The following GRIN2B variants were observed in gnomAD, a reference collection of about 807,000 sequenced individuals.
GRIN2B encodes the protein glutamate ionotropic receptor NMDA type subunit 2B.
GRIN2B carries 5 observed loss-of-function variants against 114.5 expected under a neutral mutation model. The observed-to-expected ratio is 0.04, with a 90% CI of 0.02 to 0.09. The LOEUF is 0.09. Ranked by LOEUF, GRIN2B falls within the 10% of genes least tolerant of loss-of-function variation. The pLI, the probability that GRIN2B is intolerant of heterozygous loss-of-function variation, is 1.00. For synonymous variants in GRIN2B, 787 were observed against 745.1 expected (o/e 1.06, Z -0.92); for missense variants, 1,108 against 1,943.5 (o/e 0.57, Z 8.08).
chr12:13,648,050 G>C (rs1949779097), intron 5 of GRIN2B, among the ~76,000 whole-genome samples: 1 of 152,086 alleles, frequency 6.6e-6, no homozygotes, highest in South Asian at 2.1e-4. Flanking sequence ...CCTGTCTGCT[G>C]TTGGACCAAA....
chr12:13,603,624 T>C (rs1248063412), intron 10 of GRIN2B, among the ~76,000 whole-genome samples: 1 of 151,782 alleles, frequency 6.6e-6, no homozygotes, highest in African/African-American at 2.4e-5. Flanking sequence ...TTAATAATAA[T>C]AACAATGATA....
chr12:13,780,929 T>G (rs1469606525), intron 3 of GRIN2B, among the ~76,000 whole-genome samples: 1 of 152,100 alleles, frequency 6.6e-6, no homozygotes, highest in Non-Finnish European at 1.5e-5. Flanking sequence ...GGAATAAATT[T>G]TATAGATGTA....
chr12:13,595,729 T>C (rs1269059917), intron 10 of GRIN2B, among the ~76,000 whole-genome samples: 2 of 152,154 alleles, frequency 1.3e-5, no homozygotes, highest in Non-Finnish European at 2.9e-5. Flanking sequence ...GAAGGCTGCA[T>C]TGTTCTTCAG....
intron 5 of GRIN2B, among the ~76,000 whole-genome samples, chr12:13,631,063 A>T (rs956915107): frequency 1.3e-5 from 2 of 152,110 alleles, no homozygotes; most frequent in Non-Finnish European, 2.9e-5. Flanking sequence ...TGAGAACAGC[A>T]TGGGAAGCCA....
At chr12:13,773,904 TC>T (rs758587458) in intron 3 of GRIN2B, among the ~76,000 whole-genome samples, 10 of 152,032 alleles carry the variant, frequency 6.6e-5, no homozygotes, top group Non-Finnish European at 1.5e-4. Context: ...AGAACAGAGG[TC>T]CTGCCTTGGG....
At chr12:13,864,566 G>A (rs1029025441) in intron 3 of GRIN2B, among the ~76,000 whole-genome samples, 1 of 152,156 alleles carries the variant, frequency 6.6e-6, no homozygotes, top group Non-Finnish European at 1.5e-5. Context: ...GGCTGCAAAG[G>A]ACAGTGCATA....
chr12:13,933,310 A>G (rs892237823), intron 2 of GRIN2B, among the ~76,000 whole-genome samples: 32 of 151,980 alleles, frequency 2.1e-4, no homozygotes, highest in African/African-American at 7.7e-4. Flanking sequence ...AAAAGATGAA[A>G]CCCTTCCCTG....
At chr12:13,696,354 T>C (rs1591681876) in intron 4 of GRIN2B, among the ~76,000 whole-genome samples, 1 of 152,330 alleles carries the variant, frequency 6.6e-6, no homozygotes, top group East Asian at 1.9e-4. Flanking sequence ...TGGAGTTCTT[T>C]AACTATCTTC....
At chr12:13,792,570 A>G (rs1371726535) in intron 3 of GRIN2B, among the ~76,000 whole-genome samples, 2 of 152,192 alleles carry the variant, frequency 1.3e-5, no homozygotes, top group African/African-American at 4.8e-5. Context: ...TTCACCCCAG[A>G]CCCTGTTGAA....
intron 4 of GRIN2B, among the ~76,000 whole-genome samples, chr12:13,726,890 C>T (rs1863000095): frequency 6.6e-6 from 1 of 152,024 alleles, no homozygotes; most frequent in Admixed American, 6.6e-5. Context: ...TAGCTTAGCT[C>T]CCACTTATAA....
Position 13,753,504 on chromosome 12 carries a change from T to A in GRIN2B, c.823A>T (p.Thr275Ser). ...DTDTVPAEFP[T>S]GLISVSYDEW... Reference sequence around the variant, plus strand: ...TCATATGATACAGAGATGAGCCCAGTGGGGAACTCCGCAGGCACTGTGTCT... The same window carrying A: ...TCATATGATACAGAGATGAGCCCAGAGGGGAACTCCGCAGGCACTGTGTCT... The change falls in exon 4 of 14, where the codon ACT (threonine) becomes TCT (serine). Residue 275 changes from threonine to serine, a missense_variant. Around this residue, in one of 19 missense-constraint regions of GRIN2B, gnomAD observed 199 missense variants for 439.6 expected, o/e 0.45. Coordinates refer to ENST00000609686, the MANE Select transcript of GRIN2B (RefSeq NM_000834.5). The surrounding 1 kb of genome is among the most constrained non-coding windows in gnomAD (Gnocchi z 6.2). The A allele has an allele frequency of 6.2e-7, 1 of 1,614,148 alleles. No homozygotes were observed. Among genetic ancestry groups the A allele is most frequent in the Non-Finnish European group, 8.5e-7 (1 of 1,180,038 alleles).
chr12:13,964,288 C>A (rs1226298964), intron 2 of GRIN2B, among the ~76,000 whole-genome samples: 2 of 152,184 alleles, frequency 1.3e-5, no homozygotes, highest in Non-Finnish European at 2.9e-5. Context: ...ACCATCAATT[C>A]TGCCTTCTTC....
intron 2 of GRIN2B, among the ~76,000 whole-genome samples, chr12:13,961,586 C>A (rs1437962839): frequency 1.3e-5 from 2 of 152,164 alleles, no homozygotes; most frequent in African/African-American, 2.4e-5. Context: ...AACTGAATAA[C>A]TAAATAAACA....
intron 3 of GRIN2B, among the ~76,000 whole-genome samples, chr12:13,842,280 G>A (rs373405535): frequency 2.6e-5 from 4 of 152,106 alleles, no homozygotes; most frequent in African/African-American, 7.2e-5. Flanking sequence ...TTCAATTAAC[G>A]TAGGTGGGTA....
intron 3 of GRIN2B, among the ~76,000 whole-genome samples, chr12:13,756,251 T>C (rs1228471487): frequency 1.3e-5 from 2 of 152,004 alleles, no homozygotes; most frequent in African/African-American, 2.4e-5. Flanking sequence ...CCTAACTTCA[T>C]GATCCACCTG....
intron 10 of GRIN2B, among the ~76,000 whole-genome samples, chr12:13,604,235 C>T (rs975858103): frequency 6.6e-6 from 1 of 152,152 alleles, no homozygotes; most frequent in African/African-American, 2.4e-5. Context: ...TATTTAGGTA[C>T]AGCATGTAGT....
At chr12:13,769,864 C>T (rs1385532007) in intron 3 of GRIN2B, among the ~76,000 whole-genome samples, 4 of 152,214 alleles carry the variant, frequency 2.6e-5, no homozygotes, top group Non-Finnish European at 4.4e-5. Flanking sequence ...CTCCACATGT[C>T]TGAAGCCAGT....
At chr12:13,864,208 T>G (rs1432485561) in intron 3 of GRIN2B, among the ~76,000 whole-genome samples, 1 of 152,204 alleles carries the variant, frequency 6.6e-6, no homozygotes, top group South Asian at 2.1e-4. Flanking sequence ...ACTTTTAACT[T>G]GACCTTTCCT....
rs1321096561 is a variant in GRIN2B at position 13,615,269 on chromosome 12, T to TA, written c.1501-3dup. On this transcript the variant is annotated splice_polypyrimidine_tract_variant and splice_region_variant and intron_variant, in intron 7 of 13. Transcript: ENST00000609686. The surrounding 1 kb of genome is among the most constrained non-coding windows in gnomAD (Gnocchi z 5.8). ...CATGTAGGCCCTCTTCATGACCACCTAAAAGAAAGGCGCGATGCTCCAATT... is the reference window on the plus strand; with the variant it reads ...CATGTAGGCCCTCTTCATGACCACCTAAAAAGAAAGGCGCGATGCTCCAATT... 1 of 1,613,836 alleles carries TA rather than the reference T, an allele frequency of 6.2e-7. No individual in the cohort carries two copies. Among genetic ancestry groups the TA allele is most frequent in the Non-Finnish European group, 8.5e-7 (1 of 1,179,812 alleles).
Sources: allele counts gnomAD v4.1 joint callset (sites outside exome capture counted in the v4.1 genomes callset), GRCh38; gene constraint gnomAD v4.1.1; regional missense constraint gnomAD v4.1.1; non-coding constraint Gnocchi (gnomAD v3.1); transcripts MANE v1.5; gene names NCBI Gene and HGNC (gene_info 2026-07-23, HGNC 2026-07-21).